The following CLEC16A variants were observed in gnomAD, a reference collection of about 807,000 sequenced individuals.
CLEC16A encodes protein CLEC16A.
CLEC16A carries 51 observed loss-of-function variants against 109.5 expected under a neutral mutation model. That is an observed-to-expected ratio of 0.47 (90% CI 0.37 to 0.59). The LOEUF (loss-of-function observed/expected upper bound fraction) is 0.59, where lower values mean the gene tolerates loss of function less well. Among genes scored for constraint, CLEC16A ranks in the 20% least tolerant of loss-of-function variants. The probability of loss-of-function intolerance (pLI) is 0.00; values close to 1 mark genes in which losing one functional copy is unlikely to be tolerated. For synonymous variants in CLEC16A, 673 were observed against 564.2 expected (o/e 1.19, Z -2.73); for missense variants, 1,339 against 1,394.0 (o/e 0.96, Z 0.63).
intron 19 of CLEC16A, among the ~76,000 whole-genome samples, chr16:11,082,295 C>T (rs1022576319): frequency 5.3e-5 from 8 of 152,132 alleles, no homozygotes; most frequent in African/African-American, 1.4e-4. Flanking sequence ...AGTTTCTCAC[C>T]CCTGCAGGGC....
chr16:11,050,542 A>G (rs191289954), intron 17 of CLEC16A, among the ~76,000 whole-genome samples: 1 of 152,368 alleles, frequency 6.6e-6, no homozygotes, highest in African/African-American at 2.4e-5. Flanking sequence ...AGCCAGGGAA[A>G]TGAAATGTTA....
intron 19 of CLEC16A, among the ~76,000 whole-genome samples, chr16:11,091,388 G>T (rs1235978489): frequency 6.6e-6 from 1 of 152,248 alleles, no homozygotes; most frequent in Non-Finnish European, 1.5e-5. Flanking sequence ...AGTGGCGCCT[G>T]AGAGGCAGCA....
chr16:11,040,025 C>G, intron 14 of CLEC16A, 149 bp downstream of exon 14: 1 of 947,066 alleles, frequency 1.1e-6, no homozygotes, highest in Non-Finnish European at 1.5e-6. Context: ...ACCCCTGCAT[C>G]CTGGGCCAGC....
chr16:11,006,024 A>T (rs958801004), intron 11 of CLEC16A, among the ~76,000 whole-genome samples: 1 of 152,166 alleles, frequency 6.6e-6, no homozygotes, highest in Non-Finnish European at 1.5e-5. Flanking sequence ...TTAGAAATCC[A>T]ACTCAGACTG....
At chr16:11,099,008 G>A (rs930409244) in intron 19 of CLEC16A, among the ~76,000 whole-genome samples, 2 of 152,212 alleles carry the variant, frequency 1.3e-5, no homozygotes, top group South Asian at 2.1e-4. Context: ...TCTGTGACAC[G>A]GAGAGACAGC....
At chr16:10,988,671 C>A (rs909928402) in intron 10 of CLEC16A, among the ~76,000 whole-genome samples, 1 of 152,152 alleles carries the variant, frequency 6.6e-6, no homozygotes, top group Non-Finnish European at 1.5e-5. Flanking sequence ...CCATGTTCCA[C>A]CTCCAGAGGC....
Position 11,174,706 on chromosome 16 carries a change from C to G in CLEC16A, c.2807-3629C>G, listed in dbSNP as rs2068677351. Among the ~76,000 whole-genome samples the G allele has an allele frequency of 1.3e-5, 2 of 152,254 alleles. No individual in the cohort carries two copies. The highest frequency in any genetic ancestry group is 4.8e-5 in the African/African-American group (2 of 41,474). ...CAAAGTGAGAATTTGTAGAAAGCAA[C>G]CAAGAAGTCTCCTCATTTCTTTTTT... On this transcript the variant is annotated intron_variant, in intron 23 of 23. Transcript: ENST00000409790. This position sits in a 1 kb window ranked among gnomAD's most constrained non-coding sequence, Gnocchi z 4.7.
Position 11,039,776 on chromosome 16 carries a change from G to A in CLEC16A, c.1560G>A (p.Glu520=), listed in dbSNP as rs1161765500. 1 of 1,603,460 alleles carries A rather than the reference G, an allele frequency of 6.2e-7. No individual in the cohort carries two copies. Among genetic ancestry groups the A allele is most frequent in the South Asian group, 1.1e-5 (1 of 88,668 alleles). ...CAGGCATGGATCCTGAAAAATTAGA[G>A]CGAATCCAGCTCCCCGTGCCAAATG... The part of the protein sequence containing the change: ...HNKGMDPEKL[E]RIQLPVPNAA... Residue 520 remains glutamate, a synonymous_variant, in exon 14 of 24, where the codon GAG becomes GAA. Transcript: ENST00000409790.
rs28694699 is a variant in CLEC16A at position 11,047,385 on chromosome 16, T to A, written c.1866+43T>A. 7,868 of 1,502,214 alleles carry A rather than the reference T, an allele frequency of 5.2e-3. 212 individuals are homozygous for A. In the African/African-American group the frequency reaches 0.074, roughly 14 times the overall value. The allele number at this position is 1,502,214 out of a possible 1,614,324, so 93.1% of individuals were successfully genotyped here. ...ACACACTTGGGCTGGTGTGCGCCTG[T>A]GTCCCTGCCAAGCTCCCCCTGCCCA... On this transcript the variant is annotated intron_variant, in intron 17 of 23. Coordinates refer to ENST00000409790, the MANE Select transcript of CLEC16A (RefSeq NM_015226.3).
intron 11 of CLEC16A, among the ~76,000 whole-genome samples, chr16:11,008,145 G>T (rs2045151839): frequency 6.6e-6 from 1 of 152,172 alleles, no homozygotes. Flanking sequence ...TTACATGCAG[G>T]CTGTCCCTTA....
chr16:11,168,277 C>T (rs1482514333), intron 23 of CLEC16A, among the ~76,000 whole-genome samples: 1 of 152,154 alleles, frequency 6.6e-6, no homozygotes, highest in African/African-American at 2.4e-5. Context: ...TGTCCCTACC[C>T]CCACCATCCC....
At chr16:11,003,343 G>A (rs201716998) in intron 11 of CLEC16A, 38 bp downstream of exon 11, 294 of 1,554,056 alleles carry the variant, frequency 1.9e-4, no homozygotes, top group Non-Finnish European at 2.4e-4. Flanking sequence ...TGCCTGCGCC[G>A]CCAGCCAGCC....
chr16:11,032,976 G>A (rs1374979699), intron 13 of CLEC16A, among the ~76,000 whole-genome samples: 2 of 152,180 alleles, frequency 1.3e-5, no homozygotes, highest in Non-Finnish European at 2.9e-5. Context: ...CAGACAGAAA[G>A]TAGATGACTG....
chr16:11,039,944 C>G, intron 14 of CLEC16A, 68 bp downstream of exon 14: 1 of 1,557,272 alleles, frequency 6.4e-7, no homozygotes, highest in Non-Finnish European at 8.7e-7. Flanking sequence ...CACTGGGAGC[C>G]TGAGCCCTGG....
At chr16:11,061,171 A>C in intron 19 of CLEC16A, 149 bp downstream of exon 19, 1 of 931,308 alleles carries the variant, frequency 1.1e-6, no homozygotes, top group Non-Finnish European at 1.5e-6. Flanking sequence ...AGCGGTGTGC[A>C]TGTCCCATGC....
intron 19 of CLEC16A, among the ~76,000 whole-genome samples, chr16:11,073,171 G>A (rs913333243): frequency 2.6e-5 from 4 of 152,200 alleles, no homozygotes; most frequent in African/African-American, 2.4e-5. Context: ...TGCAAGGCGA[G>A]TGTGGTTTTG....
chr16:11,140,737 A>ATTGTG (rs370627867), intron 22 of CLEC16A, among the ~76,000 whole-genome samples: 13 of 152,234 alleles, frequency 8.5e-5, no homozygotes, highest in African/African-American at 2.6e-4. Flanking sequence ...GGTGTAAGCC[A>ATTGTG]TTGTGTTGTT....
At chr16:11,114,862 T>C (rs1263546382) in intron 19 of CLEC16A, among the ~76,000 whole-genome samples, 1 of 152,220 alleles carries the variant, frequency 6.6e-6, no homozygotes, top group Non-Finnish European at 1.5e-5. Flanking sequence ...CATTTCTCCT[T>C]AACTGCCCCA....
At chr16:11,017,818 C>T (rs1298102400) in intron 11 of CLEC16A, among the ~76,000 whole-genome samples, 1 of 152,036 alleles carries the variant, frequency 6.6e-6, no homozygotes, top group African/African-American at 2.4e-5. Context: ...CAGTACTCCT[C>T]AAAATGTCCA....
Sources: gnomAD v4.1 joint callset for allele counts (sites outside exome capture counted in the v4.1 genomes callset) on GRCh38, gnomAD v4.1.1 for gene constraint, Gnocchi (gnomAD v3.1) non-coding constraint, MANE v1.5 for transcripts, NCBI Gene and HGNC (gene_info 2026-07-23, HGNC 2026-07-21) for gene names.